The following TDRD1 variants were observed in gnomAD, a reference collection of about 807,000 sequenced individuals.
TDRD1 encodes the protein tudor domain-containing protein 1.
In TDRD1, 37 loss-of-function variants were observed where a neutral mutation model predicts 140.6. That is an observed-to-expected ratio of 0.26 (90% CI 0.20 to 0.35). The LOEUF is 0.35. TDRD1 is among the 10% of genes least tolerant of loss of function. The probability of loss-of-function intolerance (pLI) is 1.00; values close to 1 mark genes in which losing one functional copy is unlikely to be tolerated. For missense variants in TDRD1, 1,243 were observed against 1,393.0 expected (o/e 0.89, Z 1.71); for synonymous variants, 506 against 475.7 (o/e 1.06, Z -0.83).
intron 14 of TDRD1, among the ~76,000 whole-genome samples, chr10:114,212,956 T>G (rs2035582055): frequency 1.3e-5 from 2 of 152,212 alleles, no homozygotes; most frequent in Non-Finnish European, 2.9e-5. Context: ...GCTCCCCAGG[T>G]AATAACTAAT....
chr10:114,200,735 C>T (rs1039947441), intron 4 of TDRD1, among the ~76,000 whole-genome samples: 12 of 151,830 alleles, frequency 7.9e-5, no homozygotes, highest in African/African-American at 2.9e-4. Context: ...GTTGGCCAGG[C>T]TGGTCTCAAA....
At chr10:114,227,286 T>C (rs746961111) in exon 23 of TDRD1, 1 of 1,610,112 alleles carries the variant, frequency 6.2e-7, no homozygotes, top group Admixed American at 1.7e-5. Context: ...AAAGGCAGAG[T>C]GCTTTAAATA....
exon 8 of TDRD1, chr10:114,203,429 G>A: frequency 6.2e-7 from 1 of 1,612,912 alleles, no homozygotes; most frequent in South Asian, 1.1e-5. Flanking sequence ...ACTTCTACGT[G>A]CAGTTATATT....
intron 16 of TDRD1, among the ~76,000 whole-genome samples, chr10:114,217,147 A>T (rs1030835638): frequency 2.6e-5 from 4 of 152,222 alleles, no homozygotes; most frequent in African/African-American, 9.7e-5. Flanking sequence ...TCCAGCACGC[A>T]GAGCTCATGA....
chr10:114,192,710 T>C (rs868738696), intron 3 of TDRD1, among the ~76,000 whole-genome samples: 32 of 152,320 alleles, frequency 2.1e-4, no homozygotes, highest in African/African-American at 7.5e-4. Context: ...CTGTTGAAAA[T>C]TCTCTTTACT....
chr10:114,231,351 AACTG>A (rs2036744959), intron 25 of TDRD1: 4 of 716,440 alleles, frequency 5.6e-6, no homozygotes, highest in Non-Finnish European at 9.5e-6. Context: ...TAATTTTCTT[AACTG>A]ACAGGTCTGG....
Position 114,199,170 on chromosome 10 carries a change from T to C in TDRD1, c.385-3T>C. 1 of 1,607,728 alleles carries C rather than the reference T, an allele frequency of 6.2e-7. No individual in the cohort carries two copies. Among genetic ancestry groups the C allele is most frequent in the Non-Finnish European group, 8.5e-7 (1 of 1,178,328 alleles). On this transcript the variant is annotated splice_polypyrimidine_tract_variant and splice_region_variant and intron_variant, in intron 3 of 25. Coordinates refer to ENST00000251864, the Ensembl canonical transcript of TDRD1. ...TAACATTGCTCTTCTTTGTTCTTAA[T>C]AGAAGCCTGGAAATAATGTACGTCC...
At chr10:114,206,244 G>A in exon 11 of TDRD1, 1 of 1,611,220 alleles carries the variant, frequency 6.2e-7, no homozygotes, top group East Asian at 2.2e-5. Flanking sequence ...CACTTTTTAG[G>A]AAAACTTTTA....
chr10:114,185,624 G>A (rs999019388), intron 1 of TDRD1, among the ~76,000 whole-genome samples: 3 of 151,936 alleles, frequency 2.0e-5, no homozygotes, highest in Non-Finnish European at 4.4e-5. Context: ...TTTTGCTCTT[G>A]TTGCCCAGGC....
At chr10:114,220,882 T>C in intron 19 of TDRD1, 39 bp downstream of exon 19, 2 of 1,481,800 alleles carry the variant, frequency 1.3e-6, no homozygotes, top group South Asian at 1.3e-5. Flanking sequence ...AAATTTGTTA[T>C]TCTTTGCTCT....
chr10:114,198,795 A>G (rs1235080733), intron 3 of TDRD1, among the ~76,000 whole-genome samples: 1 of 152,158 alleles, frequency 6.6e-6, no homozygotes, highest in Non-Finnish European at 1.5e-5. Context: ...CTGGGACTGC[A>G]GGTGCCCACC....
chr10:114,215,666 C>T (rs150255253), intron 16 of TDRD1, among the ~76,000 whole-genome samples: 75 of 152,258 alleles, frequency 4.9e-4, no homozygotes, highest in Non-Finnish European at 7.5e-4. Context: ...TGAGATTTGT[C>T]ATTTCTTCAT....
intron 13 of TDRD1, among the ~76,000 whole-genome samples, chr10:114,211,321 T>C (rs1268822589): frequency 6.6e-6 from 1 of 152,200 alleles, no homozygotes; most frequent in African/African-American, 2.4e-5. Flanking sequence ...ACCGGTTTTA[T>C]TGAAATAGCA....
At chr10:114,229,597 G>A (rs1385088446) in intron 25 of TDRD1, among the ~76,000 whole-genome samples, 6 of 135,884 alleles carry the variant, frequency 4.4e-5, no homozygotes, top group South Asian at 2.3e-4. Context: ...CACCCAGGCT[G>A]GAGTGCAATG....
intron 4 of TDRD1, among the ~76,000 whole-genome samples, chr10:114,200,847 CTTTTTTTTT>C (rs33964094): frequency 1.2e-5 from 1 of 80,406 alleles, no homozygotes; most frequent in Admixed American, 1.8e-4. Flanking sequence ...TTGCTGCTGC[CTTTTTTTTT>C]TTTTTTTTTT....
intron 11 of TDRD1, among the ~76,000 whole-genome samples, chr10:114,207,771 G>A (rs540303900): frequency 6.6e-6 from 1 of 152,110 alleles, no homozygotes; most frequent in South Asian, 2.1e-4. Context: ...CTTCCAGGAG[G>A]GGGAGTCATC....
At chr10:114,203,969 C>T in intron 8 of TDRD1, 104 bp from the exon 9 acceptor site, 1 of 1,378,806 alleles carries the variant, frequency 7.3e-7, no homozygotes, top group African/African-American at 1.5e-5. Context: ...TGCCTCAGAA[C>T]AGGAGCCTTT....
exon 26 of TDRD1, chr10:114,231,685 T>C: frequency 1.9e-6 from 1 of 531,138 alleles, no homozygotes; most frequent in South Asian, 3.2e-5. Context: ...TTCCTCTAAG[T>C]TCCTTCCACC....
At chr10:114,228,046 A>G in exon 25 of TDRD1, 1 of 1,609,916 alleles carries the variant, frequency 6.2e-7, no homozygotes, top group South Asian at 1.1e-5. Flanking sequence ...AGGTTGAAAA[A>G]CATGAACATA....
Sources: gnomAD v4.1 joint callset for allele counts (sites outside exome capture counted in the v4.1 genomes callset) on GRCh38, gnomAD v4.1.1 for gene constraint, MANE v1.5 for transcripts, NCBI Gene and HGNC (gene_info 2026-07-23, HGNC 2026-07-21) for gene names.